Variants in TMEM132D observed in about 807,000 individuals in gnomAD.
The protein encoded by TMEM132D is mature OL transmembrane protein.
A neutral mutation model predicts 62.3 loss-of-function variants in TMEM132D; 21 were observed. The ratio of observed to expected loss-of-function variants is 0.34; its 90% confidence interval spans 0.24 to 0.49. The LOEUF (loss-of-function observed/expected upper bound fraction) is 0.49. Ranked by LOEUF, TMEM132D falls within the 20% of genes least tolerant of loss-of-function variation. The probability of loss-of-function intolerance (pLI) is 0.99; values close to 1 mark genes in which losing one functional copy is unlikely to be tolerated. For synonymous variants in TMEM132D, 621 were observed against 575.6 expected (o/e 1.08, Z -1.13); for missense variants, 1,346 against 1,402.8 (o/e 0.96, Z 0.65).
At chr12:129,130,972 G>T (rs903314104) in intron 5 of TMEM132D, among the ~76,000 whole-genome samples, 1 of 152,064 alleles carries the variant, frequency 6.6e-6, no homozygotes, top group Non-Finnish European at 1.5e-5. Context: ...TGATTCAACC[G>T]GGCAGTGGTG....
intron 4 of TMEM132D, among the ~76,000 whole-genome samples, chr12:129,211,748 A>C (rs1391797560): frequency 6.6e-6 from 1 of 152,194 alleles, no homozygotes; most frequent in Non-Finnish European, 1.5e-5. Context: ...GAATATGCAT[A>C]GGCCTTCAAA....
chr12:129,477,476 C>T (rs1874299416), intron 3 of TMEM132D, among the ~76,000 whole-genome samples: 1 of 152,182 alleles, frequency 6.6e-6, no homozygotes, highest in Admixed American at 6.5e-5. Context: ...ACTATCTGCT[C>T]CTCTTAAACC....
intron 3 of TMEM132D, among the ~76,000 whole-genome samples, chr12:129,369,703 A>G (rs890739242): frequency 6.6e-6 from 1 of 152,258 alleles, no homozygotes; most frequent in African/African-American, 2.4e-5. Flanking sequence ...GCATGATGAA[A>G]GTGACATGAG....
chr12:129,882,128 AC>A (rs1874615641), intron 1 of TMEM132D, among the ~76,000 whole-genome samples: 1 of 152,116 alleles, frequency 6.6e-6, no homozygotes, highest in South Asian at 2.1e-4. Context: ...AATTGAACTT[AC>A]AATTTAATAG....
At chr12:129,644,943 G>A (rs1269289034) in intron 2 of TMEM132D, among the ~76,000 whole-genome samples, 4 of 134,284 alleles carry the variant, frequency 3.0e-5, no homozygotes, top group Admixed American at 8.2e-5. Context: ...CCGAGATCGC[G>A]CCACTGCACT....
intron 2 of TMEM132D, among the ~76,000 whole-genome samples, chr12:129,565,272 G>C (rs1202146499): frequency 1.3e-5 from 2 of 152,184 alleles, no homozygotes; most frequent in Non-Finnish European, 2.9e-5. Context: ...GACAAAGATG[G>C]AAACCTCACA....
intron 2 of TMEM132D, among the ~76,000 whole-genome samples, chr12:129,547,400 G>A (rs1876767458): frequency 6.6e-6 from 1 of 152,084 alleles, no homozygotes; most frequent in Admixed American, 6.5e-5. Flanking sequence ...CACGGTGCCT[G>A]GCCACGTGGC....
intron 3 of TMEM132D, among the ~76,000 whole-genome samples, chr12:129,341,644 G>A (rs1023334684): frequency 1.3e-5 from 2 of 152,230 alleles, no homozygotes; most frequent in Non-Finnish European, 2.9e-5. Flanking sequence ...AGACTTGGGA[G>A]TGTCCAGATA....
intron 2 of TMEM132D, among the ~76,000 whole-genome samples, chr12:129,630,437 G>T (rs1310260078): frequency 1.3e-5 from 2 of 152,016 alleles, no homozygotes; most frequent in Non-Finnish European, 2.9e-5. Flanking sequence ...TATGGGGGTT[G>T]TTTTACTATA....
chr12:129,119,002 G>A (rs189006334), intron 5 of TMEM132D, among the ~76,000 whole-genome samples: 11 of 152,248 alleles, frequency 7.2e-5, no homozygotes, highest in Admixed American at 2.0e-4. Flanking sequence ...ACCTGCCCCC[G>A]GAACAGCCTT....
At chr12:129,448,116 C>T (rs1262327524) in intron 3 of TMEM132D, among the ~76,000 whole-genome samples, 1 of 152,174 alleles carries the variant, frequency 6.6e-6, no homozygotes, top group Non-Finnish European at 1.5e-5. Context: ...TCAGACACTT[C>T]AGCAAGCACC....
chr12:129,291,927 G>A (rs530396151), intron 4 of TMEM132D, among the ~76,000 whole-genome samples: 1 of 152,220 alleles, frequency 6.6e-6, no homozygotes, highest in Non-Finnish European at 1.5e-5. Context: ...GCAATCAGAA[G>A]GATAGAATAC....
chr12:129,321,747 G>T (rs1384031440), intron 4 of TMEM132D, among the ~76,000 whole-genome samples: 1 of 152,086 alleles, frequency 6.6e-6, no homozygotes, highest in Non-Finnish European at 1.5e-5. Context: ...TTTTAGTAGA[G>T]ACGGGGTTTC....
intron 3 of TMEM132D, among the ~76,000 whole-genome samples, chr12:129,455,945 G>C (rs563573574): frequency 6.6e-6 from 1 of 152,168 alleles, no homozygotes; most frequent in African/African-American, 2.4e-5. Flanking sequence ...GACTCAAGAG[G>C]AGAGACAGTG....
chr12:129,496,391 A>C (rs994094010), intron 3 of TMEM132D, among the ~76,000 whole-genome samples: 11 of 152,142 alleles, frequency 7.2e-5, no homozygotes, highest in African/African-American at 2.7e-4. Context: ...CGGCTGTGAC[A>C]AGGCTGGCTT....
Position 129,385,683 on chromosome 12 carries a change from G to C in TMEM132D, c.1116-47866C>G, listed in dbSNP as rs1871089673. 3.3e-5 allele frequency among the ~76,000 whole-genome samples: 5 copies of C among 152,164 alleles called. No homozygotes were observed. The South Asian group carries it at 8.3e-4, about 25-fold the overall frequency. On this transcript the variant is annotated intron_variant, in intron 3 of 8. Coordinates refer to ENST00000422113, the MANE Select transcript of TMEM132D (RefSeq NM_133448.3). ...AGAGAGTAAGGAGATAAGATTAACT[G>C]CTAAAAATGTCTCTCCACTTTATCT...
intron 1 of TMEM132D, among the ~76,000 whole-genome samples, chr12:129,723,541 G>A (rs1374434231): frequency 6.6e-6 from 1 of 152,176 alleles, no homozygotes; most frequent in Non-Finnish European, 1.5e-5. Flanking sequence ...CCCTCCTGAG[G>A]TTTTGGCCAC....
intron 1 of TMEM132D, among the ~76,000 whole-genome samples, chr12:129,849,322 T>C (rs1186562042): frequency 6.6e-6 from 1 of 152,168 alleles, no homozygotes. Flanking sequence ...CTAAAATACA[T>C]GCCTAAATAC....
At chr12:129,755,407 G>A (rs1378459425) in intron 1 of TMEM132D, among the ~76,000 whole-genome samples, 2 of 152,144 alleles carry the variant, frequency 1.3e-5, no homozygotes, top group African/African-American at 4.8e-5. Flanking sequence ...GACACTACAA[G>A]GGGGATAGGT....
Sources: allele counts gnomAD v4.1 joint callset (sites outside exome capture counted in the v4.1 genomes callset), GRCh38; gene constraint gnomAD v4.1.1; transcripts MANE v1.5; gene names NCBI Gene and HGNC (gene_info 2026-07-23, HGNC 2026-07-21).